RSF1: variants seen among roughly 807,000 people sequenced by gnomAD.
RSF1 encodes the protein remodeling and spacing factor 1, also known as HBV pX-associated protein 8.
A neutral mutation model predicts 145.2 loss-of-function variants in RSF1; 13 were observed. The observed-to-expected ratio is 0.09, with a 90% CI of 0.06 to 0.14. The LOEUF is 0.14. Among genes scored for constraint, RSF1 ranks in the 10% least tolerant of loss-of-function variants. The pLI is 1.00. For missense variants in RSF1, 1,517 were observed against 1,718.2 expected (o/e 0.88, Z 2.07); for synonymous variants, 577 against 592.6 (o/e 0.97, Z 0.38).
chr11:77,700,118 C>T (rs778074562), intron 6 of RSF1, among the ~76,000 whole-genome samples: 3 of 151,964 alleles, frequency 2.0e-5, no homozygotes, highest in South Asian at 2.1e-4. Flanking sequence ...TTTGGGAGGC[C>T]GAGGTGGACG....
At chr11:77,807,540 AAAAGACCATGCAAAGTAAACG>A (rs2135984050) in intron 1 of RSF1, among the ~76,000 whole-genome samples, 1 of 152,368 alleles carries the variant, frequency 6.6e-6, no homozygotes, top group South Asian at 2.1e-4. Context: ...CAAAGTAAAC[AAAAGACCATGCAAAGTAAACG>A]AAAGACAGAT....
At chr11:77,812,541 T>C (rs1948741322) in intron 1 of RSF1, among the ~76,000 whole-genome samples, 1 of 152,206 alleles carries the variant, frequency 6.6e-6, no homozygotes, top group Non-Finnish European at 1.5e-5. Flanking sequence ...TACAGGAGGC[T>C]GAAGCCTGGT....
chr11:77,672,059 G>T lies in RSF1; in HGVS notation c.3734C>A (p.Ser1245Tyr). The T allele has an allele frequency of 6.2e-7, 1 of 1,611,862 alleles. No homozygotes were observed. Among genetic ancestry groups the T allele is most frequent in the African/African-American group, 1.3e-5 (1 of 74,862 alleles). ...EIRRVHKRRL[S>Y]SSESEESYLS... ...TGCCTTACCTTCACTCTCTGAGCTG[G>T]AAAGTCTTCGCTTGTGTACTCGCCT... Residue 1245 changes from serine (S) to tyrosine (Y), a missense_variant, in exon 15 of 16, where the codon TCC becomes TAC. By Grantham distance (144) the Ser-to-Tyr change is moderately radical. Around this residue, in one of 12 missense-constraint regions of RSF1, gnomAD observed 240 missense variants for 231.8 expected, o/e 1.04. Coordinates refer to ENST00000308488, the MANE Select transcript of RSF1 (RefSeq NM_016578.4).
the RSF1 span, among the ~76,000 whole-genome samples, chr11:77,856,828 A>G: frequency 6.6e-6 from 1 of 152,216 alleles, no homozygotes; most frequent in Non-Finnish European, 1.5e-5. Context: ...TTACAATTCG[A>G]CATGAGATTT....
At chr11:77,808,147 AAC>A (rs1201347126) in intron 1 of RSF1, among the ~76,000 whole-genome samples, 1 of 152,128 alleles carries the variant, frequency 6.6e-6, no homozygotes, top group African/African-American at 2.4e-5. Context: ...CAGCCTGGAC[AAC>A]ATGGTGAAAC....
chr11:77,832,775 T>C, the RSF1 span, among the ~76,000 whole-genome samples: 1 of 151,608 alleles, frequency 6.6e-6, no homozygotes, highest in East Asian at 1.9e-4. Flanking sequence ...CCCAGGCTTA[T>C]AGTGATGTTG....
chr11:77,735,396 A>G (rs1160226524), intron 4 of RSF1, among the ~76,000 whole-genome samples: 1 of 152,114 alleles, frequency 6.6e-6, no homozygotes, highest in Non-Finnish European at 1.5e-5. Flanking sequence ...ATTCCATTTG[A>G]TGTTTAATTT....
At chr11:77,851,496 T>A in the RSF1 span, 1 of 152,192 alleles carries the variant, frequency 6.6e-6, no homozygotes, top group African/African-American at 2.4e-5. Context: ...GGAAGGCTGA[T>A]ATAGTTGGAT....
intron 1 of RSF1, among the ~76,000 whole-genome samples, chr11:77,782,540 C>CAA (rs781781029): frequency 5.3e-4 from 70 of 132,628 alleles, no homozygotes; most frequent in Non-Finnish European, 8.3e-4. Context: ...GAATCCGTCT[C>CAA]AAAAAAAAAA....
Position 77,665,810 on chromosome 11 carries a change from A to C in RSF1, c.*1107T>G, listed in dbSNP as rs980539639. The C allele has an allele frequency of 1.7e-4, 26 of 152,238 alleles. No homozygotes were observed. Among genetic ancestry groups the C allele is most frequent in the African/African-American group, 6.3e-4 (26 of 41,506 alleles). The allele number at this position is 152,238 out of a possible 1,614,324, so 9.4% of individuals were successfully genotyped here. ...CAAACACACACACACGCTAAAACTC[A>C]AACTAAAAACCTCCCAAAGGAACTG... On this transcript the variant is annotated 3_prime_UTR_variant, in exon 16 of 16. Transcript: ENST00000308488.
At chr11:77,806,440 A>AT (rs1246193979) in intron 1 of RSF1, among the ~76,000 whole-genome samples, 1 of 152,138 alleles carries the variant, frequency 6.6e-6, no homozygotes, top group African/African-American at 2.4e-5. Context: ...TTATCCAAAG[A>AT]TTTTCCATCT....
intron 2 of RSF1, among the ~76,000 whole-genome samples, chr11:77,748,509 G>T (rs1948027128): frequency 6.6e-6 from 1 of 151,792 alleles, no homozygotes; most frequent in Non-Finnish European, 1.5e-5. Context: ...ACTTCCTCTG[G>T]CTGACAGTGT....
intron 1 of RSF1, among the ~76,000 whole-genome samples, chr11:77,765,077 C>T (rs923828732): frequency 6.6e-6 from 1 of 151,810 alleles, no homozygotes; most frequent in African/African-American, 2.4e-5. Context: ...GGGAACTCTC[C>T]GTACTTGCTG....
the RSF1 span, chr11:77,869,695 C>T: frequency 1.2e-6 from 2 of 1,601,318 alleles, no homozygotes; most frequent in African/African-American, 2.7e-5. Context: ...GAGCAGGTAC[C>T]TGTCTACTTT....
chr11:77,864,515 T>G, the RSF1 span, among the ~76,000 whole-genome samples: 1 of 152,296 alleles, frequency 6.6e-6, no homozygotes, highest in South Asian at 2.1e-4. Context: ...GCCTTGCATT[T>G]AGGGTGTATA....
intron 4 of RSF1, among the ~76,000 whole-genome samples, chr11:77,730,150 T>C (rs1375948617): frequency 1.3e-5 from 2 of 152,158 alleles, no homozygotes; most frequent in African/African-American, 4.8e-5. Context: ...AGAGGTATGG[T>C]AATTTGCCTA....
intron 5 of RSF1, among the ~76,000 whole-genome samples, chr11:77,714,769 G>T (rs1374704784): frequency 6.6e-6 from 1 of 152,072 alleles, no homozygotes; most frequent in African/African-American, 2.4e-5. Flanking sequence ...TTGAGCCCTA[G>T]AGGTGAAAGC....
chr11:77,691,073 G>C, intron 9 of RSF1, 86 bp downstream of exon 9: 1 of 1,344,860 alleles, frequency 7.4e-7, no homozygotes, highest in East Asian at 2.3e-5. Context: ...GCCAATCCTT[G>C]TTTTAGATGG....
chr11:77,719,184 T>C (rs1234846889), intron 5 of RSF1, among the ~76,000 whole-genome samples: 1 of 152,122 alleles, frequency 6.6e-6, no homozygotes, highest in Non-Finnish European at 1.5e-5. Context: ...CAGTGAGTTG[T>C]GATTGTGGCA....
Sources: gnomAD v4.1 joint callset for allele counts (sites outside exome capture counted in the v4.1 genomes callset) on GRCh38, gnomAD v4.1.1 for gene constraint, gnomAD v4.1.1 regional missense constraint, MANE v1.5 for transcripts, NCBI Gene and HGNC (gene_info 2026-07-23, HGNC 2026-07-21) for gene names.